ZFAT: variants seen among roughly 807,000 people sequenced by gnomAD.
ZFAT encodes zinc finger protein ZFAT.
Under a neutral mutation model 117.7 loss-of-function variants are expected in ZFAT, and 64 were observed. That is an observed-to-expected ratio of 0.54 (90% CI 0.44 to 0.67). The LOEUF is 0.67. ZFAT is among the 30% of genes least tolerant of loss of function. The pLI, the probability that ZFAT is intolerant of heterozygous loss-of-function variation, is 0.00. For missense variants in ZFAT, 1,433 were observed against 1,584.5 expected (o/e 0.90, Z 1.62); for synonymous variants, 679 against 615.0 (o/e 1.10, Z -1.54).
Position 134,602,203 on chromosome 8 carries a change from C to A in ZFAT, c.1516G>T (p.Asp506Tyr). Reference protein sequence around the residue: ...QSFCLLEPGGDIQQEALGDQL... With the variant: ...QSFCLLEPGGYIQQEALGDQL... Reference sequence around the variant, plus strand: ...TCCCCCAGAGCTTCTTGCTGGATGTCCCCACCAGGTTCCAGGAGGCAGAAG... The same window carrying A: ...TCCCCCAGAGCTTCTTGCTGGATGTACCCACCAGGTTCCAGGAGGCAGAAG... The change falls in exon 6 of 16, where the codon GAC (aspartate) becomes TAC (tyrosine). Residue 506 changes from aspartate (D) to tyrosine (Y), a missense_variant. Transcript: ENST00000377838. 6.2e-7 allele frequency: 1 copy of A among 1,613,522 alleles called. No homozygotes were observed.
At chr8:134,660,962 T>C (rs6981994) in intron 1 of ZFAT, among the ~76,000 whole-genome samples, 2,016 of 152,352 alleles carry the variant, frequency 0.013, 21 homozygotes, top group Non-Finnish European at 0.017. Context: ...TGTGTCTGTG[T>C]ACTCAGCTCT....
At chr8:134,705,884 A>G (rs776856197) in intron 1 of ZFAT, among the ~76,000 whole-genome samples, 1 of 152,200 alleles carries the variant, frequency 6.6e-6, no homozygotes, top group Non-Finnish European at 1.5e-5. Flanking sequence ...ACATCTCTAA[A>G]GATGACACAA....
chr8:134,698,118 T>A (rs1427560439), intron 1 of ZFAT, among the ~76,000 whole-genome samples: 44 of 150,358 alleles, frequency 2.9e-4, no homozygotes, highest in African/African-American at 1.0e-3. Flanking sequence ...AGGTCAGGAG[T>A]TCGAGACCAG....
chr8:134,706,368 A>AG (rs1834152437), intron 1 of ZFAT, among the ~76,000 whole-genome samples: 1 of 152,230 alleles, frequency 6.6e-6, no homozygotes, highest in Admixed American at 6.5e-5. Context: ...GTTCTATAGA[A>AG]GAAGAAACTC....
At chr8:134,830,585 A>C in the ZFAT span, among the ~76,000 whole-genome samples, 5 of 152,238 alleles carry the variant, frequency 3.3e-5, no homozygotes, top group African/African-American at 1.2e-4. Context: ...GGTTAACACC[A>C]AATTCACAGG....
the ZFAT span, chr8:134,792,691 C>T: frequency 6.6e-6 from 1 of 152,050 alleles, no homozygotes; most frequent in Non-Finnish European, 1.5e-5. Flanking sequence ...TCATAACAAG[C>T]CAGAAATAGA....
At chr8:134,531,100 A>G (rs1821373399) in intron 12 of ZFAT, among the ~76,000 whole-genome samples, 1 of 152,236 alleles carries the variant, frequency 6.6e-6, no homozygotes, top group Non-Finnish European at 1.5e-5. Context: ...CGCTCCTGTC[A>G]GGGAATGCCG....
chr8:134,735,697 T>C, the ZFAT span, among the ~76,000 whole-genome samples: 1 of 152,192 alleles, frequency 6.6e-6, no homozygotes, highest in African/African-American at 2.4e-5. Flanking sequence ...TTTTTTGTTT[T>C]TGTTATAAAA....
intron 12 of ZFAT, among the ~76,000 whole-genome samples, chr8:134,523,055 A>G (rs1210448301): frequency 6.6e-6 from 1 of 152,264 alleles, no homozygotes; most frequent in Admixed American, 6.5e-5. Context: ...ACTGATCCTC[A>G]GCCCTGTTAG....
the ZFAT span, among the ~76,000 whole-genome samples, chr8:134,733,387 C>T: frequency 2.6e-5 from 4 of 152,268 alleles, no homozygotes; most frequent in Admixed American, 6.5e-5. Context: ...TGGGGTAAAA[C>T]GAGCAGTTTA....
chr8:134,496,536 A>G (rs924621393), intron 15 of ZFAT, among the ~76,000 whole-genome samples: 2 of 152,210 alleles, frequency 1.3e-5, no homozygotes, highest in Non-Finnish European at 2.9e-5. Flanking sequence ...AGCACAAGTC[A>G]CACCCAGGGC....
In ZFAT at chr8:134,691,269, T is replaced by C. The variant is rs570050904; in HGVS notation, c.19+21576A>G. 2.6e-5 allele frequency among the ~76,000 whole-genome samples: 4 copies of C among 152,388 alleles called. No homozygotes were observed. The East Asian group carries it at 7.7e-4, about 29-fold the overall frequency. On this transcript the variant is annotated intron_variant, in intron 1 of 15. Coordinates refer to ENST00000377838, the MANE Select transcript of ZFAT (RefSeq NM_020863.4). ...CCCATAGCCAAGTGCTGTAAGCATC[T>C]GAACAAGCTATCCAGTGGCCCTGGG...
In ZFAT at chr8:134,697,003, C is replaced by T. The variant is rs543306363; in HGVS notation, c.19+15842G>A. 5.4e-4 allele frequency among the ~76,000 whole-genome samples: 82 copies of T among 152,152 alleles called. 1 individual carries two copies. The highest frequency in any genetic ancestry group is 1.7e-3 in the African/African-American group (72 of 41,514). ...CGCCATTTCGGCTCACTGCAACCTC[C>T]GCCCACCAGGTTCAAGCGATCCTCC... On this transcript the variant is annotated intron_variant, in intron 1 of 15. Transcript: ENST00000377838.
At chr8:134,591,987 AC>A (rs1043221108) in intron 7 of ZFAT, among the ~76,000 whole-genome samples, 3 of 151,560 alleles carry the variant, frequency 2.0e-5, no homozygotes, top group Non-Finnish European at 2.9e-5. Context: ...AGAGAGCCAA[AC>A]CCTGGTAGGG....
chr8:134,750,067 T>C, the ZFAT span, among the ~76,000 whole-genome samples: 5 of 152,218 alleles, frequency 3.3e-5, no homozygotes, highest in Non-Finnish European at 5.9e-5. Flanking sequence ...TACAGATCAG[T>C]TTCGGAGGAA....
At chr8:134,587,766 C>G (rs531600370) in intron 9 of ZFAT, among the ~76,000 whole-genome samples, 1 of 152,364 alleles carries the variant, frequency 6.6e-6, no homozygotes, top group South Asian at 2.1e-4. Flanking sequence ...TCCCTCATCT[C>G]CATTCTGCCC....
chr8:134,580,071 G>A (rs566949002), intron 10 of ZFAT, among the ~76,000 whole-genome samples: 3 of 152,096 alleles, frequency 2.0e-5, no homozygotes, highest in African/African-American at 7.2e-5. Flanking sequence ...AGCCAGGAGA[G>A]CAGGAGGCCG....
chr8:134,764,631 G>A, the ZFAT span, among the ~76,000 whole-genome samples: 1 of 152,166 alleles, frequency 6.6e-6, no homozygotes, highest in African/African-American at 2.4e-5. Flanking sequence ...TTCCCTCCAT[G>A]AGCCACCATT....
chr8:134,717,464 C>CTGTTTTTTTTTTTTTT (rs1814223711), upstream of ZFAT, among the ~76,000 whole-genome samples: 1 of 18,468 alleles, frequency 5.4e-5, no homozygotes, highest in African/African-American at 1.1e-4. Flanking sequence ...TCAATAACAA[C>CTGTTTTTTTTTTTTTT]TCTTTTTTTT....
Sources: allele counts gnomAD v4.1 joint callset (sites outside exome capture counted in the v4.1 genomes callset), GRCh38; gene constraint gnomAD v4.1.1; transcripts MANE v1.5; gene names NCBI Gene and HGNC (gene_info 2026-07-23, HGNC 2026-07-21).